The following FBXW11 variants were observed in gnomAD, a reference collection of about 807,000 sequenced individuals.
FBXW11 encodes the protein F-box/WD repeat-containing protein 11.
A neutral mutation model predicts 77.6 loss-of-function variants in FBXW11; 19 were observed. The ratio of observed to expected loss-of-function variants is 0.24; its 90% confidence interval spans 0.17 to 0.36. The LOEUF (loss-of-function observed/expected upper bound fraction) is 0.36, where lower values mean the gene tolerates loss of function less well. FBXW11 is among the 10% of genes least tolerant of loss of function. The pLI, the probability that FBXW11 is intolerant of heterozygous loss-of-function variation, is 1.00. For synonymous variants in FBXW11, 235 were observed against 249.4 expected, an observed-to-expected ratio of 0.94 and a Z score of 0.54; for missense variants, 334 against 704.2, an observed-to-expected ratio of 0.47 and a Z score of 5.95.
At chr5:171,990,820 T>C (rs1286454393) in intron 1 of FBXW11, among the ~76,000 whole-genome samples, 1 of 152,154 alleles carries the variant, frequency 6.6e-6, no homozygotes, top group Non-Finnish European at 1.5e-5. Flanking sequence ...ACTTTTTTTT[T>C]TCGCTGGTTA....
chr5:171,910,061 CTTTTTT>C (rs3087180), intron 4 of FBXW11, among the ~76,000 whole-genome samples: 3 of 92,530 alleles, frequency 3.2e-5, no homozygotes, highest in Non-Finnish European at 6.7e-5. Context: ...ATAATGAACA[CTTTTTT>C]TTTTTTTTTT....
At chr5:171,957,370 G>A (rs556695226) in intron 2 of FBXW11, among the ~76,000 whole-genome samples, 14 of 152,252 alleles carry the variant, frequency 9.2e-5, no homozygotes, top group Admixed American at 3.9e-4. Flanking sequence ...AGAGTAAAAA[G>A]CAGGAGCAGA....
chr5:171,982,222 C>T (rs1248224156), intron 1 of FBXW11, among the ~76,000 whole-genome samples: 1 of 152,104 alleles, frequency 6.6e-6, no homozygotes, highest in East Asian at 1.9e-4. Context: ...TACTACCACG[C>T]ACCCATTAGA....
chr5:171,924,019 G>A (rs1761751437), intron 2 of FBXW11, among the ~76,000 whole-genome samples: 1 of 138,886 alleles, frequency 7.2e-6, no homozygotes, highest in African/African-American at 2.7e-5. Flanking sequence ...TCCGCCTCCT[G>A]GGTTCAAGCA....
intron 2 of FBXW11, 84 bp downstream of exon 2, chr5:171,957,513 T>C: frequency 8.3e-7 from 1 of 1,211,880 alleles, no homozygotes; most frequent in South Asian, 1.2e-5. Context: ...GACTTAACAT[T>C]GGATTAAACA....
intron 9 of FBXW11, among the ~76,000 whole-genome samples, chr5:171,873,984 T>C (rs902089541): frequency 3.3e-5 from 5 of 152,168 alleles, no homozygotes; most frequent in Non-Finnish European, 5.9e-5. Flanking sequence ...GACCTACACA[T>C]AAGCACTGAA....
At chr5:171,988,746 G>A (rs1320198801) in intron 1 of FBXW11, among the ~76,000 whole-genome samples, 4 of 152,164 alleles carry the variant, frequency 2.6e-5, no homozygotes, top group African/African-American at 9.7e-5. Context: ...TCAGGAGGCT[G>A]AGGCAGGAGA....
chr5:171,923,908 CCTTT>C (rs1761737301), intron 2 of FBXW11, among the ~76,000 whole-genome samples: 1 of 130,224 alleles, frequency 7.7e-6, no homozygotes, highest in Non-Finnish European at 1.6e-5. Flanking sequence ...TGAAACCCCA[CCTTT>C]TTTTTTTTTT....
chr5:171,982,075 A>T (rs1290434700), intron 1 of FBXW11, among the ~76,000 whole-genome samples: 2 of 152,266 alleles, frequency 1.3e-5, no homozygotes, highest in South Asian at 4.1e-4. Context: ...GAAATGTTCC[A>T]TATCTTGATA....
chr5:171,896,200 A>G (rs1759735130), intron 6 of FBXW11, among the ~76,000 whole-genome samples: 1 of 152,176 alleles, frequency 6.6e-6, no homozygotes, highest in Non-Finnish European at 1.5e-5. Context: ...GAGCTGGCAC[A>G]TAAGCCAAGC....
At chr5:171,868,858 G>C in intron 12 of FBXW11, 62 bp from the exon 13 acceptor site, 1 of 1,472,478 alleles carries the variant, frequency 6.8e-7, no homozygotes, top group Non-Finnish European at 9.2e-7. Context: ...ATCTCACAAT[G>C]AGAAACTGGG....
chr5:171,888,988 C>T (rs956009349), intron 7 of FBXW11, among the ~76,000 whole-genome samples: 1 of 151,682 alleles, frequency 6.6e-6, no homozygotes, highest in Non-Finnish European at 1.5e-5. Flanking sequence ...AAGGGAGGAA[C>T]AAAGATTGAA....
intron 4 of FBXW11, among the ~76,000 whole-genome samples, chr5:171,905,907 G>A (rs1406849130): frequency 6.6e-6 from 1 of 152,078 alleles, no homozygotes; most frequent in Non-Finnish European, 1.5e-5. Context: ...AAGGCAACAA[G>A]AGGACACATT....
At chr5:171,870,367 G>A (rs1757680123) in intron 11 of FBXW11, among the ~76,000 whole-genome samples, 1 of 143,066 alleles carries the variant, frequency 7.0e-6, no homozygotes, top group African/African-American at 2.7e-5. Flanking sequence ...AAAGGGAAAA[G>A]AAGAAACTTA....
At chr5:171,925,027 G>A (rs916720434) in intron 2 of FBXW11, among the ~76,000 whole-genome samples, 10 of 152,106 alleles carry the variant, frequency 6.6e-5, no homozygotes, top group Non-Finnish European at 1.3e-4. Flanking sequence ...GGGCCAGGGC[G>A]CTAAGAGCAG....
chr5:171,909,782 G>A (rs987776852), intron 4 of FBXW11, among the ~76,000 whole-genome samples: 1 of 152,268 alleles, frequency 6.6e-6, no homozygotes, highest in South Asian at 2.1e-4. Flanking sequence ...GGGAGAGGAT[G>A]CAGAAACAGC....
chr5:171,883,934 G>A (rs937337194), intron 7 of FBXW11, among the ~76,000 whole-genome samples: 2 of 152,028 alleles, frequency 1.3e-5, no homozygotes, highest in African/African-American at 2.4e-5. Context: ...TGTAGATTCT[G>A]GATATTAGTC....
At chr5:171,914,296 T>C (rs1429427717) in intron 3 of FBXW11, 47 bp downstream of exon 3, 1 of 1,500,806 alleles carries the variant, frequency 6.7e-7, no homozygotes, top group African/African-American at 1.4e-5. Flanking sequence ...GAGCATCCTA[T>C]CTACAGTAAG....
intron 7 of FBXW11, among the ~76,000 whole-genome samples, chr5:171,885,986 C>T (rs534547884): frequency 1.3e-5 from 2 of 152,342 alleles, no homozygotes; most frequent in Non-Finnish European, 2.9e-5. Context: ...TTCTGCTCTA[C>T]TATTCTATGT....
Sources: allele counts gnomAD v4.1 joint callset (sites outside exome capture counted in the v4.1 genomes callset), GRCh38; gene constraint gnomAD v4.1.1; transcripts MANE v1.5; gene names NCBI Gene and HGNC (gene_info 2026-07-23, HGNC 2026-07-21).